TEAD1: variants seen among roughly 807,000 people sequenced by gnomAD.
TEAD1 encodes the protein TEA domain transcription factor 1.
TEAD1 carries 9 observed loss-of-function variants against 54.9 expected under a neutral mutation model. That is an observed-to-expected ratio of 0.16 (90% CI 0.10 to 0.29). The LOEUF is 0.29. Ranked by LOEUF, TEAD1 falls within the 10% of genes least tolerant of loss-of-function variation. TEAD1 has a pLI of 1.00. For synonymous variants in TEAD1, 200 were observed against 187.8 expected (o/e 1.07, Z -0.53); for missense variants, 387 against 535.9 (o/e 0.72, Z 2.74).
intron 2 of TEAD1, among the ~76,000 whole-genome samples, chr11:12,754,356 T>C (rs1406973808): frequency 2.0e-5 from 3 of 152,166 alleles, no homozygotes; most frequent in African/African-American, 7.2e-5. Context: ...TATGATCATG[T>C]TTTGGGACTT....
intron 3 of TEAD1, among the ~76,000 whole-genome samples, chr11:12,807,158 G>A (rs969801006): frequency 1.3e-5 from 2 of 152,156 alleles, no homozygotes; most frequent in African/African-American, 4.8e-5. Flanking sequence ...AGGCACTTTG[G>A]AAGCAATAAT....
intron 3 of TEAD1, among the ~76,000 whole-genome samples, chr11:12,812,207 T>C (rs76605734): frequency 6.6e-4 from 100 of 152,254 alleles, no homozygotes; most frequent in African/African-American, 2.2e-3. Context: ...CCTGGGTTTA[T>C]AGAGATGGTA....
At chr11:12,892,586 G>A (rs1210756173) in intron 9 of TEAD1, among the ~76,000 whole-genome samples, 1 of 152,216 alleles carries the variant, frequency 6.6e-6, no homozygotes, top group Non-Finnish European at 1.5e-5. Context: ...AGAGGTTGCA[G>A]TGAGCTGAGA....
chr11:12,763,233 A>AT (rs1189561087), intron 2 of TEAD1, among the ~76,000 whole-genome samples: 2 of 152,096 alleles, frequency 1.3e-5, no homozygotes, highest in Admixed American at 6.5e-5. Flanking sequence ...TCTTTCAGAG[A>AT]TTTTTTTTGG....
At chr11:12,916,742 G>A (rs1948720326) in intron 10 of TEAD1, among the ~76,000 whole-genome samples, 1 of 152,216 alleles carries the variant, frequency 6.6e-6, no homozygotes. Context: ...CAGACGCCTG[G>A]ACCAGTGTCG....
At chr11:12,884,428 A>G (rs565745992) in intron 9 of TEAD1, among the ~76,000 whole-genome samples, 29 of 152,052 alleles carry the variant, frequency 1.9e-4, no homozygotes, top group Non-Finnish European at 3.8e-4. Flanking sequence ...TGTCATTTCT[A>G]TTATCGGGAG....
intron 3 of TEAD1, among the ~76,000 whole-genome samples, chr11:12,768,223 G>A (rs990260836): frequency 2.0e-5 from 3 of 152,060 alleles, no homozygotes; most frequent in African/African-American, 7.2e-5. Context: ...GATTTTTATC[G>A]AGTTACCTTA....
chr11:12,695,124 T>G (rs771429188), intron 2 of TEAD1, among the ~76,000 whole-genome samples: 6 of 152,274 alleles, frequency 3.9e-5, no homozygotes, highest in Non-Finnish European at 8.8e-5. Flanking sequence ...ACTTCGTTCT[T>G]ACTTGTCGTT....
At chr11:12,688,415 C>G (rs536278329) in intron 2 of TEAD1, among the ~76,000 whole-genome samples, 1 of 152,318 alleles carries the variant, frequency 6.6e-6, no homozygotes, top group Admixed American at 6.5e-5. Flanking sequence ...TTTCTGGTGT[C>G]TCTCAGCTAA....
At chr11:12,916,707 G>C (rs767346953) in intron 10 of TEAD1, among the ~76,000 whole-genome samples, 81 of 152,350 alleles carry the variant, frequency 5.3e-4, no homozygotes, top group African/African-American at 1.7e-3. Flanking sequence ...TCTGAGATGA[G>C]ATGACAAATG....
At chr11:12,925,625 C>T (rs1440997534) in intron 11 of TEAD1, among the ~76,000 whole-genome samples, 1 of 152,218 alleles carries the variant, frequency 6.6e-6, no homozygotes, top group Non-Finnish European at 1.5e-5. Context: ...CGTGCCAGTC[C>T]TCTGACTGTG....
intron 2 of TEAD1, among the ~76,000 whole-genome samples, chr11:12,733,875 G>C (rs991325423): frequency 3.3e-5 from 5 of 152,216 alleles, no homozygotes; most frequent in African/African-American, 1.2e-4. Context: ...TGTAGGCCTA[G>C]GCTAATGTGT....
At position 12,764,442 on chromosome 11, in the gene TEAD1, G is replaced by T; in HGVS notation, c.202+8G>T. The T allele has an allele frequency of 1.2e-6, 2 of 1,614,052 alleles. No homozygotes were observed. The highest frequency in any genetic ancestry group is 1.7e-6 in the Non-Finnish European group (2 of 1,179,978). On this transcript the variant is annotated splice_region_variant and intron_variant, in intron 3 of 12. Transcript: ENST00000527636. The stretch of plus-strand genomic sequence containing the variant: ...ACGAAGGCAAAATGTATGGTAAGTG[G>T]CCTGGAACACTCCTTTGAAATACTA...
intron 9 of TEAD1, among the ~76,000 whole-genome samples, chr11:12,899,942 C>G (rs1948392913): frequency 6.6e-6 from 1 of 152,220 alleles, no homozygotes. Context: ...GGCCAGAGAT[C>G]CAAATGTGGG....
At chr11:12,781,776 T>C (rs904400791) in intron 3 of TEAD1, among the ~76,000 whole-genome samples, 1 of 151,198 alleles carries the variant, frequency 6.6e-6, no homozygotes, top group Admixed American at 6.6e-5. Context: ...TTTAAAAGAC[T>C]CACCATAGAG....
At chr11:12,920,363 G>T (rs1374613324) in intron 10 of TEAD1, among the ~76,000 whole-genome samples, 1 of 152,098 alleles carries the variant, frequency 6.6e-6, no homozygotes, top group Admixed American at 6.6e-5. Context: ...TATATTGACA[G>T]ATTATTTTTT....
intron 12 of TEAD1, among the ~76,000 whole-genome samples, chr11:12,935,600 C>T (rs889178169): frequency 6.6e-6 from 1 of 152,128 alleles, no homozygotes; most frequent in Non-Finnish European, 1.5e-5. Context: ...GCTGGGATTA[C>T]AGGCTCCCGC....
chr11:12,934,360 G>A (rs1480894654), intron 12 of TEAD1, among the ~76,000 whole-genome samples: 1 of 152,094 alleles, frequency 6.6e-6, no homozygotes, highest in East Asian at 1.9e-4. Context: ...GACACAGGAA[G>A]GGGAACATCA....
chr11:12,911,222 A>G (rs1184677644), intron 10 of TEAD1, among the ~76,000 whole-genome samples: 1 of 152,246 alleles, frequency 6.6e-6, no homozygotes, highest in Non-Finnish European at 1.5e-5. Flanking sequence ...ACATTTGTTC[A>G]ACAAAATGAC....
Sources: allele counts gnomAD v4.1 joint callset (sites outside exome capture counted in the v4.1 genomes callset), GRCh38; gene constraint gnomAD v4.1.1; transcripts MANE v1.5; gene names NCBI Gene and HGNC (gene_info 2026-07-23, HGNC 2026-07-21).